Variants in UBE2E2 observed in about 807,000 individuals in gnomAD.
The protein encoded by UBE2E2 is ubiquitin-conjugating enzyme E2 E2.
Under a neutral mutation model 24.7 loss-of-function variants are expected in UBE2E2, and 6 were observed. That is an observed-to-expected ratio of 0.24 (90% CI 0.13 to 0.48). The LOEUF is 0.48. UBE2E2 is among the 20% of genes least tolerant of loss of function. The probability of loss-of-function intolerance (pLI) is 0.99; values close to 1 mark genes in which losing one functional copy is unlikely to be tolerated. For missense variants in UBE2E2, 169 were observed against 245.0 expected, an observed-to-expected ratio of 0.69 and a Z score of 2.07; for synonymous variants, 104 against 83.6, an observed-to-expected ratio of 1.24 and a Z score of -1.33.
chr3:23,581,018 C>A (rs1018184686), intron 5 of UBE2E2, among the ~76,000 whole-genome samples: 3 of 152,054 alleles, frequency 2.0e-5, no homozygotes, highest in African/African-American at 7.2e-5. Flanking sequence ...TGGCAAAGGG[C>A]TTTTATTTCA....
At chr3:23,571,749 C>G (rs1425252254) in intron 5 of UBE2E2, among the ~76,000 whole-genome samples, 1 of 152,142 alleles carries the variant, frequency 6.6e-6, no homozygotes, top group Non-Finnish European at 1.5e-5. Flanking sequence ...GGATAACACT[C>G]AAGAGTCTCC....
chr3:23,292,167 T>A (rs1265627430), intron 3 of UBE2E2, among the ~76,000 whole-genome samples: 1 of 152,080 alleles, frequency 6.6e-6, no homozygotes, highest in Non-Finnish European at 1.5e-5. Context: ...TTAGTAGGGA[T>A]GGGGTTTTGC....
chr3:23,310,491 C>T lies in UBE2E2; in HGVS notation c.227+93179C>T, dbSNP rs114041443. ...GGAAAAGATATTACCAGGTTTACTG[C>T]AGTGTGGAAAAGCTGTTGGAGAAGA... is the stretch of plus-strand genomic sequence containing the variant. On this transcript the variant is annotated intron_variant, in intron 3 of 5. Transcript: ENST00000396703. Among the ~76,000 whole-genome samples the T allele has an allele frequency of 4.2e-3, 644 of 152,140 alleles. 1 individual carries two copies. The highest frequency in any genetic ancestry group is 6.9e-3 in the Non-Finnish European group (468 of 68,008).
intron 3 of UBE2E2, among the ~76,000 whole-genome samples, chr3:23,428,480 AG>A (rs1206834138): frequency 6.6e-6 from 1 of 152,218 alleles, no homozygotes; most frequent in Non-Finnish European, 1.5e-5. Flanking sequence ...CTTCTACCTT[AG>A]AAAAGAAGAA....
intron 3 of UBE2E2, among the ~76,000 whole-genome samples, chr3:23,353,234 C>T (rs1309183602): frequency 6.6e-6 from 1 of 152,050 alleles, no homozygotes; most frequent in Non-Finnish European, 1.5e-5. Context: ...TGGGACGTAT[C>T]TCCAAATAAT....
At chr3:23,270,152 CTTTTTTTTT>C (rs71051207) in intron 3 of UBE2E2, among the ~76,000 whole-genome samples, 2 of 100,726 alleles carry the variant, frequency 2.0e-5, no homozygotes, top group Admixed American at 1.1e-4. Context: ...CCCCCTCCTC[CTTTTTTTTT>C]TTTTTTTTTT....
intron 3 of UBE2E2, among the ~76,000 whole-genome samples, chr3:23,279,919 A>T (rs539044882): frequency 1.3e-5 from 2 of 152,354 alleles, no homozygotes; most frequent in South Asian, 4.1e-4. Context: ...GTCTCATCTT[A>T]GCCACAGAGC....
chr3:23,228,312 G>C (rs1336270379), intron 3 of UBE2E2, among the ~76,000 whole-genome samples: 1 of 151,890 alleles, frequency 6.6e-6, no homozygotes, highest in Non-Finnish European at 1.5e-5. Context: ...TATATTAAAT[G>C]GTCACACTGG....
intron 5 of UBE2E2, among the ~76,000 whole-genome samples, chr3:23,542,405 A>G (rs534313790): frequency 1.3e-5 from 2 of 152,300 alleles, no homozygotes; most frequent in Non-Finnish European, 2.9e-5. Flanking sequence ...AAAAATTACT[A>G]TTTGGGGGAA....
In UBE2E2 at chr3:23,551,160, T is replaced by G. The variant is rs568460981; in HGVS notation, c.508+18459T>G. Among the ~76,000 whole-genome samples the G allele has an allele frequency of 1.6e-4, 24 of 152,280 alleles. 1 individual carries two copies. In the South Asian group the frequency reaches 4.8e-3, roughly 30 times the overall value. ...TTCCAACACTCAACAACATAAAAAT[T>G]GCAGTGTTCAACATTCCATAAAATA... is the stretch of plus-strand genomic sequence containing the variant. On this transcript the variant is annotated intron_variant, in intron 5 of 5. Transcript: ENST00000396703.
intron 3 of UBE2E2, among the ~76,000 whole-genome samples, chr3:23,423,697 C>A (rs1697856443): frequency 6.6e-6 from 1 of 152,122 alleles, no homozygotes; most frequent in South Asian, 2.1e-4. Flanking sequence ...CTTAAAAATA[C>A]CTATACTGGA....
intron 3 of UBE2E2, among the ~76,000 whole-genome samples, chr3:23,462,328 G>A (rs1698821462): frequency 6.6e-6 from 1 of 152,058 alleles, no homozygotes; most frequent in African/African-American, 2.4e-5. Context: ...GACAATTGAG[G>A]AGTTTTGAAA....
chr3:23,317,665 C>T (rs562885798), intron 3 of UBE2E2, among the ~76,000 whole-genome samples: 1 of 152,202 alleles, frequency 6.6e-6, no homozygotes, highest in East Asian at 1.9e-4. Flanking sequence ...GGAAACTCCT[C>T]ATTGTAAACC....
intron 3 of UBE2E2, among the ~76,000 whole-genome samples, chr3:23,306,551 C>T (rs753153501): frequency 6.6e-6 from 1 of 152,142 alleles, no homozygotes; most frequent in African/African-American, 2.4e-5. Flanking sequence ...CCAATCAAAA[C>T]AAAGAGGTAA....
chr3:23,315,014 G>C (rs1309669076), intron 3 of UBE2E2, among the ~76,000 whole-genome samples: 1 of 152,098 alleles, frequency 6.6e-6, no homozygotes, highest in African/African-American at 2.4e-5. Flanking sequence ...GAAGTTCTTT[G>C]TTATTAGCCC....
intron 4 of UBE2E2, among the ~76,000 whole-genome samples, chr3:23,501,463 A>G (rs756475125): frequency 2.0e-5 from 3 of 152,194 alleles, no homozygotes; most frequent in Admixed American, 1.3e-4. Flanking sequence ...GGAAACATAG[A>G]TGAGACTTAG....
chr3:23,402,831 C>G (rs1165844913), intron 3 of UBE2E2, among the ~76,000 whole-genome samples: 3 of 152,182 alleles, frequency 2.0e-5, no homozygotes, highest in Non-Finnish European at 4.4e-5. Context: ...CACTTGAATA[C>G]TTAGGAAAAG....
chr3:23,526,342 C>G (rs1205841996), intron 4 of UBE2E2, among the ~76,000 whole-genome samples: 6 of 152,178 alleles, frequency 3.9e-5, no homozygotes, highest in African/African-American at 1.4e-4. Context: ...TCTCCTTCCT[C>G]AGGATATTCT....
chr3:23,352,935 G>A (rs985425318), intron 3 of UBE2E2, among the ~76,000 whole-genome samples: 25 of 152,110 alleles, frequency 1.6e-4, no homozygotes, highest in African/African-American at 5.3e-4. Context: ...CAACCAAAAA[G>A]GAGAATTTTA....
Sources: gnomAD v4.1 joint callset for allele counts (sites outside exome capture counted in the v4.1 genomes callset) on GRCh38, gnomAD v4.1.1 for gene constraint, MANE v1.5 for transcripts, NCBI Gene and HGNC (gene_info 2026-07-23, HGNC 2026-07-21) for gene names.